Variants in ZNRF3 observed in about 807,000 individuals in gnomAD.
ZNRF3 encodes zinc and ring finger 3, also known as E3 ubiquitin-protein ligase ZNRF3.
Under a neutral mutation model 72.5 loss-of-function variants are expected in ZNRF3, and 23 were observed. The observed-to-expected ratio is 0.32, with a 90% CI of 0.23 to 0.45. The LOEUF (loss-of-function observed/expected upper bound fraction) is 0.45, where lower values mean the gene tolerates loss of function less well. Ranked by LOEUF, ZNRF3 falls within the 20% of genes least tolerant of loss-of-function variation. ZNRF3 has a pLI of 1.00. For missense variants in ZNRF3, 1,169 were observed against 1,272.1 expected (o/e 0.92, Z 1.23); for synonymous variants, 610 against 545.3 (o/e 1.12, Z -1.65).
At chr22:28,934,125 G>A (rs1187406474) in intron 1 of ZNRF3, among the ~76,000 whole-genome samples, 1 of 152,120 alleles carries the variant, frequency 6.6e-6, no homozygotes, top group African/African-American at 2.4e-5. Flanking sequence ...TTCCAAATGG[G>A]AAGATCTTGG....
intron 8 of ZNRF3, among the ~76,000 whole-genome samples, chr22:29,053,254 G>A (rs921546752): frequency 2.6e-5 from 4 of 152,114 alleles, no homozygotes; most frequent in Non-Finnish European, 4.4e-5. Context: ...CTCAAGGTTC[G>A]TAATCTCTGT....
chr22:28,958,953 A>G (rs1009931353), intron 1 of ZNRF3, among the ~76,000 whole-genome samples: 4 of 152,202 alleles, frequency 2.6e-5, no homozygotes, highest in African/African-American at 9.6e-5. Context: ...AGAAGAATGG[A>G]GTCACTTGGG....
chr22:28,897,954 C>T (rs1348838913), intron 1 of ZNRF3, among the ~76,000 whole-genome samples: 1 of 151,962 alleles, frequency 6.6e-6, no homozygotes, highest in African/African-American at 2.4e-5. Context: ...CTTTTTTTCT[C>T]TTTTTTTAGG....
intron 2 of ZNRF3, among the ~76,000 whole-genome samples, chr22:28,992,254 T>C (rs988917238): frequency 7.0e-6 from 1 of 143,632 alleles, no homozygotes; most frequent in Admixed American, 7.5e-5. Flanking sequence ...GTCAAAGGCT[T>C]GGTTAAAACT....
intron 1 of ZNRF3, among the ~76,000 whole-genome samples, chr22:28,947,604 C>T (rs1169030315): frequency 6.6e-6 from 1 of 152,148 alleles, no homozygotes; most frequent in Non-Finnish European, 1.5e-5. Context: ...TTGCACTTCC[C>T]TCATGCCTAA....
intron 1 of ZNRF3, among the ~76,000 whole-genome samples, chr22:28,901,694 G>A (rs1472492834): frequency 2.2e-5 from 3 of 135,284 alleles, no homozygotes; most frequent in Non-Finnish European, 4.6e-5. Context: ...ACTAGAGTGT[G>A]TAGTGGCACG....
chr22:28,951,979 C>G (rs974318016), intron 1 of ZNRF3, among the ~76,000 whole-genome samples: 1 of 152,234 alleles, frequency 6.6e-6, no homozygotes, highest in Admixed American at 6.5e-5. Flanking sequence ...CCTCCACTTG[C>G]TCCTCTTCCC....
chr22:28,901,724 T>C (rs749563442), intron 1 of ZNRF3, among the ~76,000 whole-genome samples: 2 of 139,070 alleles, frequency 1.4e-5, no homozygotes, highest in Non-Finnish European at 3.0e-5. Context: ...CACTGCAACC[T>C]CTGCCTCCTG....
At position 28,900,474 on chromosome 22, in the gene ZNRF3, T is replaced by C. The variant is rs549285559; in HGVS notation, c.300+16408T>C. On this transcript the variant is annotated intron_variant, in intron 1 of 8. Transcript: ENST00000544604. Reference sequence around the variant, plus strand: ...GTGCAGTAAAATGTCTGGAAGGGAATTGATCAAGTCTGGTAAGCCAGATCA... The same window carrying C: ...GTGCAGTAAAATGTCTGGAAGGGAACTGATCAAGTCTGGTAAGCCAGATCA... Among the ~76,000 whole-genome samples the C allele has an allele frequency of 8.5e-4, 130 of 152,322 alleles. 2 individuals carry two copies. The South Asian group carries it at 0.022, about 26-fold the overall frequency.
At chr22:28,953,020 T>C (rs1013637166) in intron 1 of ZNRF3, among the ~76,000 whole-genome samples, 7 of 152,224 alleles carry the variant, frequency 4.6e-5, no homozygotes, top group African/African-American at 1.7e-4. Context: ...CAGATCTTCT[T>C]TGGGTATCTT....
At chr22:29,020,763 T>TTGTGTG (rs1286012711) in intron 2 of ZNRF3, among the ~76,000 whole-genome samples, 2 of 66,736 alleles carry the variant, frequency 3.0e-5, no homozygotes, top group East Asian at 9.8e-4. Flanking sequence ...GGCTTTGTTT[T>TTGTGTG]TGTGTGTGTG....
At chr22:29,042,464 G>T (rs2036981572) in intron 2 of ZNRF3, 31 bp from the exon 3 acceptor site, 2 of 1,609,710 alleles carry the variant, frequency 1.2e-6, no homozygotes, top group South Asian at 2.2e-5. Flanking sequence ...AGGACCAGAG[G>T]GCCAACCTGC....
intron 1 of ZNRF3, among the ~76,000 whole-genome samples, chr22:28,897,759 C>CT (rs2123749550): frequency 1.3e-5 from 2 of 152,320 alleles, no homozygotes; most frequent in East Asian, 3.9e-4. Context: ...TCCCATGAAG[C>CT]TTTTTCCTGG....
chr22:28,974,782 A>C (rs2035640761), intron 1 of ZNRF3, among the ~76,000 whole-genome samples: 1 of 152,112 alleles, frequency 6.6e-6, no homozygotes, highest in South Asian at 2.1e-4. Flanking sequence ...AGTAGCAAGG[A>C]CCACAGGTGC....
chr22:28,984,563 T>TC (rs1342913024), intron 1 of ZNRF3, among the ~76,000 whole-genome samples: 1 of 152,210 alleles, frequency 6.6e-6, no homozygotes, highest in Non-Finnish European at 1.5e-5. Flanking sequence ...TCTGGAAACC[T>TC]CCAAGTTGTG....
At chr22:28,961,850 C>T (rs1291018719) in intron 1 of ZNRF3, among the ~76,000 whole-genome samples, 1 of 152,198 alleles carries the variant, frequency 6.6e-6, no homozygotes, top group Non-Finnish European at 1.5e-5. Flanking sequence ...ACCTTCCTTG[C>T]TGACTTCCTG....
rs142910346 is a variant in ZNRF3, at chr22:28,893,650, A to C, written c.300+9584A>C. 2.5e-4 allele frequency among the ~76,000 whole-genome samples: 38 copies of C among 151,324 alleles called. 1 individual carries two copies. The East Asian group carries it at 6.5e-3, about 26-fold the overall frequency. On this transcript the variant is annotated intron_variant, in intron 1 of 8. Coordinates refer to ENST00000544604, the MANE Select transcript of ZNRF3 (RefSeq NM_001206998.2). ...GTAGCTGGGACTACAGGTGCACATC[A>C]CCACATCCAGCTAATGTTTGTATTT...
chr22:28,915,328 A>T (rs1259543661), intron 1 of ZNRF3, among the ~76,000 whole-genome samples: 2 of 152,164 alleles, frequency 1.3e-5, no homozygotes, highest in Admixed American at 1.3e-4. Flanking sequence ...TTCTCTTCTT[A>T]TAAGGACACC....
intron 2 of ZNRF3, among the ~76,000 whole-genome samples, chr22:28,999,327 C>CT (rs1403419323): frequency 6.6e-6 from 1 of 151,630 alleles, no homozygotes; most frequent in Non-Finnish European, 1.5e-5. Context: ...GAACAAGACT[C>CT]TGTCTCCAAA....
Sources: gnomAD v4.1 joint callset for allele counts (sites outside exome capture counted in the v4.1 genomes callset) on GRCh38, gnomAD v4.1.1 for gene constraint, MANE v1.5 for transcripts, NCBI Gene and HGNC (gene_info 2026-07-23, HGNC 2026-07-21) for gene names.